TRMT11: variants seen among roughly 807,000 people sequenced by gnomAD.
TRMT11 encodes tRNA methyltransferase 11, also known as tRNA (guanine(10)-N(2))-methyltransferase TRMT11.
Under a neutral mutation model 62.8 loss-of-function variants are expected in TRMT11, and 53 were observed. That is an observed-to-expected ratio of 0.84 (90% CI 0.68 to 1.06). TRMT11 has a LOEUF of 1.06. TRMT11 is among the 50% of genes least tolerant of loss of function. The probability of loss-of-function intolerance (pLI) is 0.00; values close to 1 mark genes in which losing one functional copy is unlikely to be tolerated. For missense variants in TRMT11, 556 were observed against 553.4 expected, an observed-to-expected ratio of 1.00 and a Z score of -0.05; for synonymous variants, 188 against 190.3, an observed-to-expected ratio of 0.99 and a Z score of 0.10.
intron 1 of TRMT11, among the ~76,000 whole-genome samples, chr6:126,192,939 CT>C (rs1351386571): frequency 6.6e-6 from 1 of 152,058 alleles, no homozygotes; most frequent in African/African-American, 2.4e-5. Flanking sequence ...TAATGCATGC[CT>C]TGTAGAATGT....
rs199538111 is a variant in TRMT11, at chr6:126,038,787, G to A, written c.1343G>A (p.Ser448Asn). Residue 448 changes from serine to asparagine, a missense_variant, in exon 13 of 13, where the codon AGT (serine) becomes AAT (asparagine). Ser to Asn is a conservative substitution (Grantham distance 46). Coordinates refer to ENST00000334379, the MANE Select transcript of TRMT11 (RefSeq NM_001031712.3). ...AATTCCTTCCGTGAGAAATATTTTA[G>A]TGGGGTAACAAAAAGAATTGCCAAG... ...GHNSFREKYF[S>N]GVTKRIAKEE... The A allele has an allele frequency of 4.4e-6, 7 of 1,605,940 alleles. No homozygotes were observed. Among genetic ancestry groups the A allele is most frequent in the Non-Finnish European group, 5.9e-6 (7 of 1,176,558 alleles).
At chr6:126,096,164 A>C (rs1309835569) in intron 17 of TRMT11, among the ~76,000 whole-genome samples, 2 of 152,170 alleles carry the variant, frequency 1.3e-5, no homozygotes, top group Non-Finnish European at 2.9e-5. Context: ...TTGATGGAAG[A>C]GTAGAGGTTT....
chr6:126,178,975 G>A (rs889710095), intron 1 of TRMT11, among the ~76,000 whole-genome samples: 1 of 152,076 alleles, frequency 6.6e-6, no homozygotes, highest in African/African-American at 2.4e-5. Context: ...AGGGTATATA[G>A]GAGGGGTAAT....
At chr6:126,263,935 A>G in the TRMT11 span, among the ~76,000 whole-genome samples, 1 of 152,244 alleles carries the variant, frequency 6.6e-6, no homozygotes, top group South Asian at 2.1e-4. Context: ...TCCAAATGAG[A>G]GGTCATTAAT....
upstream of TRMT11, among the ~76,000 whole-genome samples, chr6:126,173,718 C>A (rs1778354982): frequency 1.3e-5 from 2 of 152,214 alleles, no homozygotes; most frequent in Admixed American, 1.3e-4. Flanking sequence ...TAGCATCCTT[C>A]AGTGTGTTAC....
intron 1 of TRMT11, among the ~76,000 whole-genome samples, chr6:126,197,590 C>T (rs992442218): frequency 2.6e-5 from 4 of 152,162 alleles, no homozygotes; most frequent in African/African-American, 9.7e-5. Flanking sequence ...GTATATTCCT[C>T]AGATTCCTTA....
At chr6:125,990,840 A>G (rs1790493665) in intron 1 of TRMT11, among the ~76,000 whole-genome samples, 1 of 152,056 alleles carries the variant, frequency 6.6e-6, no homozygotes. Flanking sequence ...TTTACACTTT[A>G]CATTTCAGTT....
chr6:126,134,877 A>G (rs1777833248), intron 21 of TRMT11, among the ~76,000 whole-genome samples: 1 of 151,904 alleles, frequency 6.6e-6, no homozygotes, highest in African/African-American at 2.4e-5. Context: ...AAATTAGGCA[A>G]CGTGCTCTTG....
At chr6:125,997,160 G>A (rs1791653901) in intron 3 of TRMT11, among the ~76,000 whole-genome samples, 1 of 151,986 alleles carries the variant, frequency 6.6e-6, no homozygotes. Context: ...TATATATTTT[G>A]TGTAGCTGAG....
At chr6:126,023,917 T>C (rs1796183850) in intron 12 of TRMT11, among the ~76,000 whole-genome samples, 1 of 152,192 alleles carries the variant, frequency 6.6e-6, no homozygotes, top group Non-Finnish European at 1.5e-5. Flanking sequence ...CAGTTGTAAT[T>C]TCAATAAAAA....
At chr6:126,242,473 C>G in the TRMT11 span, among the ~76,000 whole-genome samples, 1 of 152,172 alleles carries the variant, frequency 6.6e-6, no homozygotes, top group Non-Finnish European at 1.5e-5. Flanking sequence ...CCCACATTGC[C>G]AAGTCAATCC....
At chr6:126,008,934 T>A (rs2128809004) in intron 8 of TRMT11, among the ~76,000 whole-genome samples, 1 of 152,094 alleles carries the variant, frequency 6.6e-6, no homozygotes, top group African/African-American at 2.4e-5. Flanking sequence ...TTTATAAGAC[T>A]TCATTGGGTA....
intron 17 of TRMT11, among the ~76,000 whole-genome samples, chr6:126,111,769 G>A (rs1024049614): frequency 1.3e-5 from 2 of 151,954 alleles, no homozygotes; most frequent in African/African-American, 4.8e-5. Flanking sequence ...GGAGTTTTGG[G>A]GTCAGAGAGA....
chr6:126,126,164 A>T (rs986250168), intron 21 of TRMT11, among the ~76,000 whole-genome samples: 1 of 152,110 alleles, frequency 6.6e-6, no homozygotes, highest in African/African-American at 2.4e-5. Context: ...ATATTAGGAA[A>T]TGGCAGTGCT....
intron 2 of TRMT11, chr6:126,199,707 C>T (rs1778712934): frequency 6.6e-6 from 1 of 152,242 alleles, no homozygotes; most frequent in African/African-American, 2.4e-5. Context: ...GCGGTAGTGG[C>T]AGAGGGACAT....
intron 17 of TRMT11, among the ~76,000 whole-genome samples, chr6:126,072,334 T>C (rs1776882990): frequency 1.3e-5 from 2 of 152,204 alleles, no homozygotes; most frequent in Admixed American, 6.5e-5. Context: ...AGCCCCAACA[T>C]TGAGCACAGC....
At chr6:126,128,813 T>C (rs546738566) in intron 21 of TRMT11, among the ~76,000 whole-genome samples, 2 of 152,206 alleles carry the variant, frequency 1.3e-5, no homozygotes, top group East Asian at 1.9e-4. Flanking sequence ...TTGGAAGTTA[T>C]TGATCATGAC....
chr6:126,214,709 TTTTC>T, the TRMT11 span, among the ~76,000 whole-genome samples: 100 of 152,090 alleles, frequency 6.6e-4, 2 homozygotes, highest in Middle Eastern at 3.4e-3. Flanking sequence ...TTTCATATTG[TTTTC>T]TTTGTTTCCA....
intron 21 of TRMT11, among the ~76,000 whole-genome samples, chr6:126,140,898 A>G (rs1777909453): frequency 6.6e-6 from 1 of 152,110 alleles, no homozygotes; most frequent in Admixed American, 6.6e-5. Flanking sequence ...CGATTCCAGA[A>G]TTCAGGAATC....
Sources: allele counts gnomAD v4.1 joint callset (sites outside exome capture counted in the v4.1 genomes callset), GRCh38; gene constraint gnomAD v4.1.1; transcripts MANE v1.5; gene names NCBI Gene and HGNC (gene_info 2026-07-23, HGNC 2026-07-21).